Variants in DAPK1 observed in about 807,000 individuals in gnomAD.
DAPK1 encodes the protein death-associated protein kinase 1.
A neutral mutation model predicts 144.9 loss-of-function variants in DAPK1; 56 were observed. That is an observed-to-expected ratio of 0.39 (90% CI 0.31 to 0.48). DAPK1 has a LOEUF of 0.48. DAPK1 is among the 20% of genes least tolerant of loss of function. DAPK1 has a pLI of 0.95. For synonymous variants in DAPK1, 690 were observed against 749.0 expected (o/e 0.92, Z 1.29); for missense variants, 1,454 against 1,875.4 (o/e 0.78, Z 4.15).
At chr9:87,502,982 C>G (rs1312044458) in intron 2 of DAPK1, among the ~76,000 whole-genome samples, 1 of 152,012 alleles carries the variant, frequency 6.6e-6, no homozygotes, top group African/African-American at 2.4e-5. Flanking sequence ...ATTTTGAGAC[C>G]AGAATGGGGA....
At chr9:87,574,778 C>T (rs1375187721) in intron 2 of DAPK1, among the ~76,000 whole-genome samples, 2 of 151,886 alleles carry the variant, frequency 1.3e-5, no homozygotes, top group Admixed American at 1.3e-4. Context: ...AAAAATTAGC[C>T]GGGCTTGGTG....
chr9:87,552,758 ATT>A (rs33983483), intron 2 of DAPK1, among the ~76,000 whole-genome samples: 33,892 of 145,200 alleles, frequency 0.23, 4,444 homozygotes, highest in Non-Finnish European at 0.31. Flanking sequence ...TACCCCGTTA[ATT>A]TTTTTTTTTT....
In DAPK1 at chr9:87,682,079, A is replaced by C. The variant is rs1461578646; in HGVS notation, c.2224+453A>C. Among the ~76,000 whole-genome samples the C allele has an allele frequency of 3.3e-5, 5 of 152,348 alleles. No homozygotes were observed. The South Asian group carries it at 6.2e-4, about 19-fold the overall frequency. ...TCCTTCTTTCTGGAGTGCTACAGGC[A>C]GACCCAGTATTGTAGATACATAGAG... is the stretch of plus-strand genomic sequence containing the variant. On this transcript the variant is annotated intron_variant, in intron 20 of 25. Coordinates refer to ENST00000408954, the MANE Select transcript of DAPK1 (RefSeq NM_004938.4).
intron 3 of DAPK1, chr9:87,632,534 AGAT>A: frequency 1.0e-6 from 1 of 973,812 alleles, no homozygotes; most frequent in Non-Finnish European, 1.2e-6. Flanking sequence ...AAATGAAGGA[AGAT>A]GAGTATACAT....
At chr9:87,620,610 G>A (rs918010457) in intron 3 of DAPK1, among the ~76,000 whole-genome samples, 6 of 151,624 alleles carry the variant, frequency 4.0e-5, no homozygotes, top group Admixed American at 1.3e-4. Context: ...GGAGGAGGAG[G>A]ACCGGGAATA....
rs1188839052 is a variant in DAPK1, at chr9:87,571,460, CACACACACACACACCA to C, written c.63-33479_63-33464del. Among the ~76,000 whole-genome samples, 83 of 65,994 alleles carry C rather than the reference CACACACACACACACCA, an allele frequency of 1.3e-3. 4 individuals carry two copies. The highest frequency in any genetic ancestry group is 8.1e-3 in the Middle Eastern group (1 of 124). 43.3% of individuals were successfully genotyped at this position (65,994 alleles called of 152,430 possible). A position where few individuals can be genotyped will look rare whatever the true frequency, so the allele number is the denominator to read the frequency against. On this transcript the variant is annotated intron_variant, in intron 2 of 25. Transcript: ENST00000408954. Reference sequence around the variant, plus strand: ...CAACACACACACACACACACACACACACACACACACACACCAACACACACACACACACACCCCAACA... The same window carrying C: ...CAACACACACACACACACACACACACACACACACACACACACACCCCAACA...
At chr9:87,661,399 C>G (rs1010871820) in intron 18 of DAPK1, among the ~76,000 whole-genome samples, 2 of 152,148 alleles carry the variant, frequency 1.3e-5, no homozygotes, top group African/African-American at 4.8e-5. Context: ...CGTAATTTCT[C>G]TATGTTTTCC....
chr9:87,643,238 T>G (rs2378753), intron 10 of DAPK1, 138 bp from the exon 11 acceptor site: 1 of 580,616 alleles, frequency 1.7e-6, no homozygotes, highest in East Asian at 2.8e-5. Flanking sequence ...GAGTGTGTGC[T>G]GATAGCAATG....
chr9:87,519,323 G>A lies in DAPK1; in HGVS notation c.62+20184G>A, dbSNP rs1825204741. Among the ~76,000 whole-genome samples the A allele has an allele frequency of 7.2e-5, 11 of 152,374 alleles. No homozygotes were observed. In the South Asian group the frequency reaches 2.3e-3, roughly 32 times the overall value. ...CTGTTGGCCCATGCCAAGTACTCTG[G>A]AATAGACAGGAGTGGTATTTCCGCC... On this transcript the variant is annotated intron_variant, in intron 2 of 25. Coordinates refer to ENST00000408954, the MANE Select transcript of DAPK1 (RefSeq NM_004938.4).
intron 3 of DAPK1, among the ~76,000 whole-genome samples, chr9:87,605,408 G>C (rs991747240): frequency 1.3e-5 from 2 of 152,192 alleles, no homozygotes; most frequent in African/African-American, 4.8e-5. Flanking sequence ...GTTTGCAAGA[G>C]GGTCTCCCAG....
intron 2 of DAPK1, among the ~76,000 whole-genome samples, chr9:87,571,463 AC>A (rs1827334566): frequency 1.6e-5 from 1 of 61,520 alleles, no homozygotes; most frequent in African/African-American, 8.5e-5. Context: ...ACACACACAC[AC>A]ACACACACAC....
At chr9:87,606,692 C>G (rs1455143047) in intron 3 of DAPK1, among the ~76,000 whole-genome samples, 1 of 84,762 alleles carries the variant, frequency 1.2e-5, no homozygotes, top group Non-Finnish European at 2.2e-5. Flanking sequence ...CCCTCCCTCT[C>G]TCCTTCCTTC....
At position 87,668,691 on chromosome 9, in the gene DAPK1, T is replaced by C. The variant is rs1446039197; in HGVS notation, c.2001+17T>C. The C allele has an allele frequency of 1.3e-5, 14 of 1,062,210 alleles. No homozygotes were observed. Among genetic ancestry groups the C allele is most frequent in the Admixed American group, 8.4e-5 (5 of 59,378 alleles). 65.8% of individuals were successfully genotyped at this position (1,062,210 alleles called of 1,614,324 possible). A position where few individuals can be genotyped will look rare whatever the true frequency, so the allele number is the denominator to read the frequency against. On this transcript the variant is annotated intron_variant, in intron 19 of 25. Transcript: ENST00000408954. ...CTTCGAAAGGTGAGAAGTTCTGTTA[T>C]AGGTCTGAAGTTCTCTACCTGTGTT...
intron 3 of DAPK1, among the ~76,000 whole-genome samples, chr9:87,636,364 C>T (rs973077594): frequency 1.3e-5 from 2 of 152,182 alleles, no homozygotes; most frequent in Admixed American, 6.5e-5. Context: ...AGTCACTCCA[C>T]CATCCCCGTA....
upstream of DAPK1, chr9:87,497,684 G>T: frequency 5.0e-6 from 1 of 198,914 alleles, no homozygotes; most frequent in Non-Finnish European, 1.0e-5. Flanking sequence ...GCGCGGTAGA[G>T]CGCGCCAGCG....
chr9:87,609,489 A>AT (rs535703656), intron 3 of DAPK1, among the ~76,000 whole-genome samples: 2 of 151,870 alleles, frequency 1.3e-5, no homozygotes, highest in African/African-American at 2.4e-5. Flanking sequence ...GTGTGTTATA[A>AT]TTTTTTTTCT....
intron 2 of DAPK1, among the ~76,000 whole-genome samples, chr9:87,536,221 T>C (rs1825857350): frequency 6.6e-6 from 1 of 152,212 alleles, no homozygotes; most frequent in African/African-American, 2.4e-5. Context: ...GGTACTAGTG[T>C]GAGATGTCTG....
At chr9:87,573,167 T>C (rs1490750044) in intron 2 of DAPK1, among the ~76,000 whole-genome samples, 1 of 152,240 alleles carries the variant, frequency 6.6e-6, no homozygotes, top group East Asian at 1.9e-4. Context: ...TCTGACTGCA[T>C]GTCAAATGGT....
At chr9:87,516,931 G>A (rs1207533122) in intron 2 of DAPK1, among the ~76,000 whole-genome samples, 1 of 152,148 alleles carries the variant, frequency 6.6e-6, no homozygotes, top group Non-Finnish European at 1.5e-5. Context: ...GTACTATCTG[G>A]CAGCAGAAGG....
Sources: allele counts gnomAD v4.1 joint callset (sites outside exome capture counted in the v4.1 genomes callset), GRCh38; gene constraint gnomAD v4.1.1; transcripts MANE v1.5; gene names NCBI Gene and HGNC (gene_info 2026-07-23, HGNC 2026-07-21).